The following RERE variants were observed in gnomAD, a reference collection of about 807,000 sequenced individuals.
The protein encoded by RERE is arginine-glutamic acid dipeptide repeats protein.
Under a neutral mutation model 146.1 loss-of-function variants are expected in RERE, and 40 were observed. The ratio of observed to expected loss-of-function variants is 0.27; its 90% CI spans 0.21 to 0.36. The LOEUF (loss-of-function observed/expected upper bound fraction) is 0.36. RERE is among the 10% of genes least tolerant of loss of function. RERE has a pLI of 1.00. For synonymous variants in RERE, 1,003 were observed against 866.0 expected, an observed-to-expected ratio of 1.16 and a Z score of -2.78; for missense variants, 1,933 against 2,138.7, an observed-to-expected ratio of 0.90 and a Z score of 1.90.
chr1:8,697,884 A>G (rs924802490), intron 1 of RERE, among the ~76,000 whole-genome samples: 2 of 152,218 alleles, frequency 1.3e-5, no homozygotes, highest in East Asian at 1.9e-4. Context: ...AAAAAAGTTC[A>G]TATTAGGGAG....
intron 11 of RERE, chr1:8,434,618 T>C (rs976027900): frequency 1.3e-5 from 2 of 152,224 alleles, no homozygotes; most frequent in Non-Finnish European, 2.9e-5. Context: ...CCTTTGTAAC[T>C]GTCTTGACCA....
At chr1:8,629,163 A>T (rs1647007506) in intron 2 of RERE, among the ~76,000 whole-genome samples, 1 of 152,134 alleles carries the variant, frequency 6.6e-6, no homozygotes, top group Non-Finnish European at 1.5e-5. Flanking sequence ...CATCAATATC[A>T]ATTAGTCCAA....
intron 12 of RERE, among the ~76,000 whole-genome samples, chr1:8,393,446 C>G (rs906180182): frequency 3.9e-5 from 6 of 152,044 alleles, no homozygotes; most frequent in African/African-American, 1.5e-4. Flanking sequence ...CTTAGGGGAC[C>G]CTCCTTTCTC....
In RERE at chr1:8,416,347, A is replaced by G. The variant is rs192735251; in HGVS notation, c.1284+6380T>C. ...ACACCTGTAATCCCAGCACTTTGGG[A>G]GGCCAAGGCGGGCGGATCACAAGGT... On this transcript the variant is annotated intron_variant, in intron 12 of 22. Coordinates refer to ENST00000400908, the MANE Select transcript of RERE (RefSeq NM_001042681.2). Among the ~76,000 whole-genome samples the G allele has an allele frequency of 3.4e-4, 52 of 152,302 alleles. No individual in the cohort carries two copies. The East Asian group carries it at 8.3e-3, about 24-fold the overall frequency.
chr1:8,604,640 G>GGAAGGAAGGAAA (rs1646678736), intron 4 of RERE, among the ~76,000 whole-genome samples: 1 of 145,588 alleles, frequency 6.9e-6, no homozygotes, highest in Non-Finnish European at 1.5e-5. Context: ...AAGGAAGGAA[G>GGAAGGAAGGAAA]GAAGGAAGGA....
chr1:8,447,535 C>T (rs1644337531), intron 11 of RERE, among the ~76,000 whole-genome samples: 1 of 152,112 alleles, frequency 6.6e-6, no homozygotes, highest in South Asian at 2.1e-4. Flanking sequence ...TATTAGTTTT[C>T]CTTCTAACAG....
intron 1 of RERE, among the ~76,000 whole-genome samples, chr1:8,747,024 T>C (rs575017162): frequency 1.3e-5 from 2 of 151,676 alleles, no homozygotes; most frequent in East Asian, 3.9e-4. Flanking sequence ...TTCTTTTTTG[T>C]TTTTTGAGAC....
intron 1 of RERE, among the ~76,000 whole-genome samples, chr1:8,745,436 A>G (rs769268152): frequency 9.2e-5 from 14 of 152,166 alleles, no homozygotes; most frequent in Non-Finnish European, 1.6e-4. Flanking sequence ...CGTTTCTCTC[A>G]ACTACTGACA....
At chr1:8,795,793 A>T (rs1233426989) in intron 1 of RERE, among the ~76,000 whole-genome samples, 1 of 151,466 alleles carries the variant, frequency 6.6e-6, no homozygotes, top group Non-Finnish European at 1.5e-5. Flanking sequence ...GACCAGCCTG[A>T]CCAACATGGA....
chr1:8,762,085 A>G (rs1411014123), intron 1 of RERE, among the ~76,000 whole-genome samples: 1 of 152,238 alleles, frequency 6.6e-6, no homozygotes, highest in East Asian at 1.9e-4. Context: ...TTCCCCACCA[A>G]TCAACCCTTC....
At chr1:8,518,283 GTCCTAACA>G (rs1475560191) in intron 7 of RERE, among the ~76,000 whole-genome samples, 2 of 152,286 alleles carry the variant, frequency 1.3e-5, no homozygotes, top group African/African-American at 4.8e-5. Context: ...CAAGCCTTGG[GTCCTAACA>G]GTCGTGTAGC....
intron 1 of RERE, among the ~76,000 whole-genome samples, chr1:8,812,237 C>T (rs1030098739): frequency 3.9e-5 from 6 of 152,190 alleles, no homozygotes; most frequent in African/African-American, 1.4e-4. Flanking sequence ...GAGGATTCCT[C>T]AAATACCGAG....
chr1:8,609,743 T>C (rs1440983448), intron 4 of RERE, among the ~76,000 whole-genome samples: 4 of 152,226 alleles, frequency 2.6e-5, no homozygotes, highest in African/African-American at 9.6e-5. Flanking sequence ...AATTTTCTTT[T>C]TTAATTCTTA....
chr1:8,685,901 C>G (rs1348569549), intron 1 of RERE, among the ~76,000 whole-genome samples: 2 of 151,928 alleles, frequency 1.3e-5, no homozygotes, highest in African/African-American at 4.8e-5. Context: ...GTGAGTGGAG[C>G]TATATCTTCT....
intron 11 of RERE, among the ~76,000 whole-genome samples, chr1:8,433,829 GGATT>G (rs1400810946): frequency 6.6e-6 from 1 of 152,060 alleles, no homozygotes; most frequent in Admixed American, 6.6e-5. Context: ...CAAAGTGCTG[GGATT>G]ACAGGCGTGA....
At chr1:8,429,255 G>A (rs1644061166) in intron 11 of RERE, among the ~76,000 whole-genome samples, 1 of 152,184 alleles carries the variant, frequency 6.6e-6, no homozygotes, top group African/African-American at 2.4e-5. Flanking sequence ...GGCTGGGAGG[G>A]TCAAGGGGGA....
At chr1:8,707,970 TTGA>T (rs1043110043) in intron 1 of RERE, among the ~76,000 whole-genome samples, 6 of 152,216 alleles carry the variant, frequency 3.9e-5, no homozygotes, top group Non-Finnish European at 7.3e-5. Flanking sequence ...GTTCTTATTA[TTGA>T]TAATTTAATT....
In RERE at chr1:8,489,662, A is replaced by T. The variant is rs571595534; in HGVS notation, c.1104+5401T>A. ...ACATCCATTAAAATGGATAAAATTT[A>T]AAAAAAAATAACTGACAACACCAAG... On this transcript the variant is annotated intron_variant, in intron 10 of 22. Transcript: ENST00000400908. Among the ~76,000 whole-genome samples the T allele has an allele frequency of 2.6e-4, 40 of 151,880 alleles. 1 individual carries two copies. The East Asian group carries it at 5.6e-3, about 21-fold the overall frequency.
intron 7 of RERE, among the ~76,000 whole-genome samples, chr1:8,513,864 A>G (rs1473327623): frequency 1.3e-5 from 2 of 152,228 alleles, no homozygotes; most frequent in Non-Finnish European, 2.9e-5. Flanking sequence ...AAAGCCTATC[A>G]ATAGTCTTTT....
Sources: gnomAD v4.1 joint callset for allele counts (sites outside exome capture counted in the v4.1 genomes callset) on GRCh38, gnomAD v4.1.1 for gene constraint, MANE v1.5 for transcripts, NCBI Gene and HGNC (gene_info 2026-07-23, HGNC 2026-07-21) for gene names.